The following SDCCAG8 variants were observed in gnomAD, a reference collection of about 807,000 sequenced individuals.
SDCCAG8 encodes the protein SHH signaling and ciliogenesis regulator SDCCAG8.
Under a neutral mutation model 101.8 loss-of-function variants are expected in SDCCAG8, and 74 were observed. The observed-to-expected ratio is 0.73, with a 90% confidence interval of 0.60 to 0.88. The LOEUF is 0.88. Ranked by LOEUF, SDCCAG8 falls within the 40% of genes least tolerant of loss-of-function variation. SDCCAG8 has a pLI of 0.00. For missense variants in SDCCAG8, 787 were observed against 822.6 expected (o/e 0.96, Z 0.53); for synonymous variants, 281 against 292.9 (o/e 0.96, Z 0.41).
At chr1:243,276,551 C>G (rs192834062) in intron 4 of SDCCAG8, among the ~76,000 whole-genome samples, 1 of 152,296 alleles carries the variant, frequency 6.6e-6, no homozygotes, top group Non-Finnish European at 1.5e-5. Flanking sequence ...ATCCTCCTTT[C>G]AGTGACATCC....
intron 16 of SDCCAG8, among the ~76,000 whole-genome samples, chr1:243,432,996 C>G (rs535364920): frequency 6.6e-6 from 1 of 152,042 alleles, no homozygotes; most frequent in East Asian, 1.9e-4. Context: ...TATAAGGTTC[C>G]TGAGAAGAGA....
At chr1:243,373,795 T>A (rs1303918280) in intron 12 of SDCCAG8, among the ~76,000 whole-genome samples, 2 of 152,132 alleles carry the variant, frequency 1.3e-5, no homozygotes, top group African/African-American at 2.4e-5. Flanking sequence ...GAGTGAATAT[T>A]TGCTGAACAA....
chr1:243,340,621 G>A (rs1462102630), intron 10 of SDCCAG8, among the ~76,000 whole-genome samples: 1 of 152,180 alleles, frequency 6.6e-6, no homozygotes, highest in Non-Finnish European at 1.5e-5. Context: ...TCTCTCTAAA[G>A]AACTTCCTCC....
At chr1:243,347,254 A>G (rs1236284235) in intron 12 of SDCCAG8, among the ~76,000 whole-genome samples, 2 of 152,190 alleles carry the variant, frequency 1.3e-5, no homozygotes, top group Non-Finnish European at 2.9e-5. Flanking sequence ...TATTTTACTC[A>G]TAAATACCCA....
intron 12 of SDCCAG8, among the ~76,000 whole-genome samples, chr1:243,357,406 T>G (rs1482077327): frequency 2.0e-5 from 3 of 150,224 alleles, no homozygotes; most frequent in African/African-American, 4.9e-5. Context: ...AAAAAGAAGG[T>G]AACTTTTGTC....
At chr1:243,425,079 A>G (rs2081253005) in intron 15 of SDCCAG8, among the ~76,000 whole-genome samples, 1 of 152,132 alleles carries the variant, frequency 6.6e-6, no homozygotes, top group African/African-American at 2.4e-5. Context: ...CTCCTTTCGG[A>G]CTATTTCAAA....
At chr1:243,378,934 C>T (rs2077768947) in intron 13 of SDCCAG8, 71 bp downstream of exon 13, 4 of 1,588,826 alleles carry the variant, frequency 2.5e-6, no homozygotes, top group Non-Finnish European at 2.6e-6. Flanking sequence ...GGCTTCCAAA[C>T]AGTTGTTAGA....
In SDCCAG8 at chr1:243,404,260, A is replaced by G. The variant is rs532592744; in HGVS notation, c.1617-11442A>G. Among the ~76,000 whole-genome samples the G allele has an allele frequency of 1.9e-4, 29 of 152,300 alleles. No individual in the cohort carries two copies. The East Asian group carries it at 5.2e-3, about 27-fold the overall frequency. On this transcript the variant is annotated intron_variant, in intron 13 of 17. Coordinates refer to ENST00000366541, the MANE Select transcript of SDCCAG8 (RefSeq NM_006642.5). ...ACCTTGTGGAAATTAGTTTGAAGAT[A>G]GATTTAGAAGGCTGGAAGCAGCAGG...
intron 16 of SDCCAG8, among the ~76,000 whole-genome samples, chr1:243,451,091 G>A (rs2083320190): frequency 6.6e-6 from 1 of 152,214 alleles, no homozygotes; most frequent in Non-Finnish European, 1.5e-5. Context: ...TGCATACACA[G>A]AAGGTATATA....
intron 17 of SDCCAG8, among the ~76,000 whole-genome samples, chr1:243,498,613 A>G (rs916771347): frequency 6.6e-6 from 1 of 152,262 alleles, no homozygotes; most frequent in African/African-American, 2.4e-5. Context: ...ATCTACTTGA[A>G]ATGTAAACAT....
chr1:243,418,443 C>G (rs1293913382), intron 15 of SDCCAG8, among the ~76,000 whole-genome samples: 1 of 152,130 alleles, frequency 6.6e-6, no homozygotes, highest in Non-Finnish European at 1.5e-5. Flanking sequence ...TCACCATGAA[C>G]ACAAAAGCTG....
intron 17 of SDCCAG8, among the ~76,000 whole-genome samples, chr1:243,496,914 T>C (rs1668061550): frequency 1.3e-5 from 2 of 152,214 alleles, no homozygotes; most frequent in South Asian, 4.1e-4. Context: ...TTCCACCACC[T>C]GTGGACAGCA....
intron 12 of SDCCAG8, among the ~76,000 whole-genome samples, chr1:243,355,905 T>C (rs557447543): frequency 6.6e-6 from 1 of 152,346 alleles, no homozygotes; most frequent in East Asian, 1.9e-4. Flanking sequence ...CCACCGCACC[T>C]GGTGTGGATT....
At chr1:243,298,240 G>A (rs1452419865) in intron 6 of SDCCAG8, among the ~76,000 whole-genome samples, 2 of 151,520 alleles carry the variant, frequency 1.3e-5, no homozygotes, top group Admixed American at 1.3e-4. Context: ...TAGTAGAGAC[G>A]GAGTTTCACC....
chr1:243,347,538 G>A (rs1193624198), intron 12 of SDCCAG8, among the ~76,000 whole-genome samples: 1 of 152,126 alleles, frequency 6.6e-6, no homozygotes, highest in Non-Finnish European at 1.5e-5. Flanking sequence ...TGTACATAAT[G>A]TTTTGATTAT....
intron 10 of SDCCAG8, among the ~76,000 whole-genome samples, chr1:243,334,629 T>C (rs2074869840): frequency 7.2e-5 from 11 of 152,150 alleles, no homozygotes; most frequent in Admixed American, 7.2e-4. Flanking sequence ...TCTCACTCTG[T>C]CACCCAGGCT....
chr1:243,354,420 A>T (rs2076272548), intron 12 of SDCCAG8, among the ~76,000 whole-genome samples: 1 of 152,222 alleles, frequency 6.6e-6, no homozygotes, highest in South Asian at 2.1e-4. Flanking sequence ...TTGGTAATAG[A>T]ACAATAAAAT....
chr1:243,351,435 T>G (rs759282032), intron 12 of SDCCAG8, among the ~76,000 whole-genome samples: 4 of 152,214 alleles, frequency 2.6e-5, no homozygotes, highest in African/African-American at 9.7e-5. Context: ...GAACATGCCT[T>G]AAGAATACTT....
At chr1:243,261,858 CTTTTTT>C (rs371602212) in intron 1 of SDCCAG8, among the ~76,000 whole-genome samples, 1 of 136,394 alleles carries the variant, frequency 7.3e-6, no homozygotes, top group Non-Finnish European at 1.6e-5. Context: ...TTTTCTTTTT[CTTTTTT>C]TTTTTTTTTT....
Sources: allele counts gnomAD v4.1 joint callset (sites outside exome capture counted in the v4.1 genomes callset), GRCh38; gene constraint gnomAD v4.1.1; transcripts MANE v1.5; gene names NCBI Gene and HGNC (gene_info 2026-07-23, HGNC 2026-07-21).